PHLPP1: variants seen among roughly 807,000 people sequenced by gnomAD.
The protein encoded by PHLPP1 is PH domain and leucine rich repeat protein phosphatase 1.
PHLPP1 carries 42 observed loss-of-function variants against 117.2 expected under a neutral mutation model. The ratio of observed to expected loss-of-function variants is 0.36; its 90% CI spans 0.28 to 0.46. The LOEUF (loss-of-function observed/expected upper bound fraction) is 0.46, where lower values mean the gene tolerates loss of function less well. Among genes scored for constraint, PHLPP1 ranks in the 20% least tolerant of loss-of-function variants. The pLI is 1.00. For synonymous variants in PHLPP1, 1,042 were observed against 970.7 expected (o/e 1.07, Z -1.37); for missense variants, 2,084 against 2,241.9 (o/e 0.93, Z 1.42).
intron 2 of PHLPP1, among the ~76,000 whole-genome samples, chr18:62,833,317 G>T (rs570674270): frequency 1.3e-5 from 2 of 152,142 alleles, no homozygotes; most frequent in African/African-American, 2.4e-5. Context: ...CAAGTGATCC[G>T]CCTGCTTCGG....
chr18:62,764,060 G>A (rs1912361162), intron 1 of PHLPP1, among the ~76,000 whole-genome samples: 1 of 150,932 alleles, frequency 6.6e-6, no homozygotes, highest in East Asian at 2.0e-4. Context: ...CTACTTGGGA[G>A]GCTAAGGGAG....
intron 1 of PHLPP1, among the ~76,000 whole-genome samples, chr18:62,813,452 AGT>A (rs1396134761): frequency 6.6e-6 from 1 of 152,160 alleles, no homozygotes; most frequent in African/African-American, 2.4e-5. Context: ...GAAAGAGGGG[AGT>A]GGAAAGTTTG....
intron 1 of PHLPP1, among the ~76,000 whole-genome samples, chr18:62,826,715 G>A (rs1422243363): frequency 1.3e-5 from 2 of 152,098 alleles, no homozygotes; most frequent in East Asian, 3.9e-4. Flanking sequence ...TCAAGATCCA[G>A]AGGCCATCCG....
intron 3 of PHLPP1, among the ~76,000 whole-genome samples, chr18:62,853,896 G>A (rs1178260053): frequency 6.6e-6 from 1 of 152,202 alleles, no homozygotes; most frequent in Non-Finnish European, 1.5e-5. Flanking sequence ...TTGGTCTACA[G>A]AGCCTCTCCT....
At chr18:62,756,487 G>A (rs1912023502) in intron 1 of PHLPP1, among the ~76,000 whole-genome samples, 1 of 152,172 alleles carries the variant, frequency 6.6e-6, no homozygotes, top group Non-Finnish European at 1.5e-5. Flanking sequence ...GAAGTGGTTG[G>A]GATCTAGACA....
chr18:62,964,141 G>C (rs1042817209), intron 14 of PHLPP1, among the ~76,000 whole-genome samples: 1 of 152,062 alleles, frequency 6.6e-6, no homozygotes, highest in African/African-American at 2.4e-5. Context: ...AAAGAATCCT[G>C]TAAATTAGAA....
At chr18:62,806,384 A>G (rs185022002) in intron 1 of PHLPP1, among the ~76,000 whole-genome samples, 113 of 152,318 alleles carry the variant, frequency 7.4e-4, no homozygotes, top group Middle Eastern at 3.4e-3. Context: ...CTAGTGATTT[A>G]TGCTTGTTCT....
At chr18:62,947,857 C>T (rs1217894041) in intron 12 of PHLPP1, among the ~76,000 whole-genome samples, 2 of 151,752 alleles carry the variant, frequency 1.3e-5, no homozygotes, top group Non-Finnish European at 2.9e-5. Flanking sequence ...GAAACTCTGT[C>T]TCTACTAAAA....
At chr18:62,736,489 A>G (rs915981606) in intron 1 of PHLPP1, among the ~76,000 whole-genome samples, 4 of 152,202 alleles carry the variant, frequency 2.6e-5, no homozygotes, top group Non-Finnish European at 4.4e-5. Flanking sequence ...CTCCAAGATG[A>G]CAAGTTTACA....
At chr18:62,738,025 G>T (rs899240419) in intron 1 of PHLPP1, among the ~76,000 whole-genome samples, 1 of 151,964 alleles carries the variant, frequency 6.6e-6, no homozygotes, top group Non-Finnish European at 1.5e-5. Flanking sequence ...TGAAGCTGGG[G>T]GTAGTACCTA....
intron 10 of PHLPP1, among the ~76,000 whole-genome samples, chr18:62,925,095 G>A (rs1309653624): frequency 2.6e-5 from 4 of 152,030 alleles, no homozygotes; most frequent in Admixed American, 2.6e-4. Flanking sequence ...AAGAGTTTCA[G>A]ATAATTAGTT....
At chr18:62,806,759 C>T (rs1913963374) in intron 1 of PHLPP1, among the ~76,000 whole-genome samples, 1 of 152,144 alleles carries the variant, frequency 6.6e-6, no homozygotes, top group Non-Finnish European at 1.5e-5. Flanking sequence ...TATTTATCTA[C>T]ATGGAACTTT....
intron 13 of PHLPP1, among the ~76,000 whole-genome samples, chr18:62,960,228 G>A (rs954277264): frequency 6.6e-6 from 1 of 152,120 alleles, no homozygotes; most frequent in African/African-American, 2.4e-5. Context: ...CCAAAATCCA[G>A]CTGAAATAGT....
intron 3 of PHLPP1, among the ~76,000 whole-genome samples, chr18:62,845,954 G>A (rs1027793330): frequency 1.3e-5 from 2 of 152,140 alleles, no homozygotes; most frequent in Admixed American, 1.3e-4. Flanking sequence ...GCTTATGCCT[G>A]TAATCCCAGC....
Position 62,975,542 on chromosome 18 carries a change from C to A in PHLPP1, c.3901C>A (p.Pro1301Thr). Residue 1301 changes from proline (P) to threonine (T), a missense_variant, in exon 16 of 17, where the codon CCG (proline) becomes ACG (threonine). Physicochemically the swap from Pro to Thr is conservative, Grantham distance 38. Coordinates refer to ENST00000262719, the MANE Select transcript of PHLPP1 (RefSeq NM_194449.4). ...CQTVLCRNGK[P>T]LPLSRSYIMS... ...AACAGTTCTCTGTCGAAATGGAAAG[C>A]CGCTGCCTCTGTCCAGATCTTACAT... 2 of 1,613,884 alleles carry A rather than the reference C, an allele frequency of 1.2e-6. No homozygotes were observed. Among genetic ancestry groups the A allele is most frequent in the African/African-American group, 1.3e-5 (1 of 75,046 alleles).
At chr18:62,897,809 A>G (rs572783324) in intron 6 of PHLPP1, among the ~76,000 whole-genome samples, 24 of 152,300 alleles carry the variant, frequency 1.6e-4, no homozygotes, top group Non-Finnish European at 3.5e-4. Context: ...ACCCAGCCTA[A>G]TTCTGCCTTA....
intron 10 of PHLPP1, among the ~76,000 whole-genome samples, chr18:62,937,138 T>C (rs915060589): frequency 3.3e-5 from 5 of 152,152 alleles, no homozygotes; most frequent in Non-Finnish European, 7.3e-5. Flanking sequence ...GGCTGTAAAA[T>C]TTAAGGGTGT....
At chr18:62,953,478 C>G (rs937251881) in intron 12 of PHLPP1, among the ~76,000 whole-genome samples, 2 of 152,188 alleles carry the variant, frequency 1.3e-5, no homozygotes, top group Non-Finnish European at 2.9e-5. Flanking sequence ...AAAGGCCTCT[C>G]TGGGGTCTTG....
chr18:62,820,531 C>T (rs1056564679), intron 1 of PHLPP1, among the ~76,000 whole-genome samples: 3 of 152,136 alleles, frequency 2.0e-5, no homozygotes, highest in Non-Finnish European at 2.9e-5. Flanking sequence ...GGCAGTTTCC[C>T]CGATGCCATT....
Sources: allele counts gnomAD v4.1 joint callset (sites outside exome capture counted in the v4.1 genomes callset), GRCh38; gene constraint gnomAD v4.1.1; transcripts MANE v1.5; gene names NCBI Gene and HGNC (gene_info 2026-07-23, HGNC 2026-07-21).